The following DIP2B variants were observed in gnomAD, a reference collection of about 807,000 sequenced individuals.
DIP2B encodes the protein disco-interacting protein 2 homolog B.
In DIP2B, 76 loss-of-function variants were observed where a neutral mutation model predicts 198.0. That is an observed-to-expected ratio of 0.38 (90% CI 0.32 to 0.46). The LOEUF (loss-of-function observed/expected upper bound fraction) is 0.46. Among genes scored for constraint, DIP2B ranks in the 20% least tolerant of loss-of-function variants. The probability of loss-of-function intolerance (pLI) is 0.99; values close to 1 mark genes in which losing one functional copy is unlikely to be tolerated. For synonymous variants in DIP2B, 701 were observed against 739.1 expected, an observed-to-expected ratio of 0.95 and a Z score of 0.84; for missense variants, 1,559 against 1,978.4, an observed-to-expected ratio of 0.79 and a Z score of 4.02.
At chr12:50,523,714 A>G (rs1276681411) in intron 1 of DIP2B, among the ~76,000 whole-genome samples, 5 of 152,196 alleles carry the variant, frequency 3.3e-5, no homozygotes, top group Non-Finnish European at 7.3e-5. Flanking sequence ...AACAGGATGA[A>G]TGGACAGAAT....
intron 25 of DIP2B, among the ~76,000 whole-genome samples, chr12:50,720,609 G>A (rs555908855): frequency 3.3e-5 from 5 of 152,118 alleles, no homozygotes; most frequent in East Asian, 1.9e-4. Context: ...ATTCATTAGG[G>A]TTCTCATATT....
At chr12:50,547,867 G>A (rs1958391154) in intron 1 of DIP2B, among the ~76,000 whole-genome samples, 2 of 152,050 alleles carry the variant, frequency 1.3e-5, no homozygotes, top group Admixed American at 6.6e-5. Context: ...ACAGGAGTTC[G>A]AGACCAACTT....
At chr12:50,668,071 G>T (rs986040056) in intron 4 of DIP2B, among the ~76,000 whole-genome samples, 1 of 152,052 alleles carries the variant, frequency 6.6e-6, no homozygotes, top group African/African-American at 2.4e-5. Context: ...TCTTTAAAAA[G>T]TTTTCTGTCC....
Position 50,746,162 on chromosome 12 carries a change from C to T in DIP2B, c.*1323C>T, listed in dbSNP as rs373294882. ...ATGAGACTGAGTTTGGCCTCTGGCT[C>T]GGTTTCCTTTCTTTGGTCTGATACT... On this transcript the variant is annotated 3_prime_UTR_variant, in exon 38 of 38. Transcript: ENST00000301180. 1 of 152,078 alleles carries T rather than the reference C, an allele frequency of 6.6e-6. No individual in the cohort carries two copies. Among genetic ancestry groups the T allele is most frequent in the African/African-American group, 2.4e-5 (1 of 41,398 alleles). 9.4% of individuals were successfully genotyped at this position (152,078 alleles called of 1,614,324 possible). A position where few individuals can be genotyped will look rare whatever the true frequency, so the allele number is the denominator to read the frequency against.
intron 1 of DIP2B, among the ~76,000 whole-genome samples, chr12:50,584,264 A>C (rs1301761787): frequency 1.3e-5 from 2 of 152,136 alleles, no homozygotes; most frequent in African/African-American, 4.8e-5. Context: ...TTTTCCCCCT[A>C]GTCCTTTTTC....
At chr12:50,719,777 G>T (rs1939799442) in intron 25 of DIP2B, among the ~76,000 whole-genome samples, 1 of 151,252 alleles carries the variant, frequency 6.6e-6, no homozygotes, top group Admixed American at 6.6e-5. Flanking sequence ...GGAGGCGGAG[G>T]TTGCAGTGAG....
chr12:50,618,067 C>G (rs1937735250), intron 1 of DIP2B, among the ~76,000 whole-genome samples: 1 of 152,208 alleles, frequency 6.6e-6, no homozygotes, highest in African/African-American at 2.4e-5. Context: ...AGACATTTAA[C>G]TTTTCACATC....
intron 1 of DIP2B, among the ~76,000 whole-genome samples, chr12:50,598,560 T>G (rs926123627): frequency 5.3e-5 from 8 of 151,980 alleles, no homozygotes; most frequent in Admixed American, 2.0e-4. Flanking sequence ...TGCCACTGCG[T>G]CATCTCTCTG....
chr12:50,643,099 AT>A (rs1178451835), intron 3 of DIP2B, among the ~76,000 whole-genome samples: 1 of 150,948 alleles, frequency 6.6e-6, no homozygotes, highest in African/African-American at 2.4e-5. Flanking sequence ...TTTTTATAGC[AT>A]GTAATAAAGG....
In DIP2B at chr12:50,747,287, G is replaced by T. The variant is rs1159976460; in HGVS notation, c.*2448G>T. ...AATACATTACTCTGTTAATCTCAAA[G>T]TGTGGCCAACTCCCATTTACTTAGA... On this transcript the variant is annotated 3_prime_UTR_variant, in exon 38 of 38. Transcript: ENST00000301180. 2 of 152,110 alleles carry T rather than the reference G, an allele frequency of 1.3e-5. No individual in the cohort carries two copies. The highest frequency in any genetic ancestry group is 2.9e-5 in the Non-Finnish European group (2 of 68,022). The allele number at this position is 152,110 out of a possible 1,614,324, so 9.4% of individuals were successfully genotyped here. A position where few individuals can be genotyped will look rare whatever the true frequency, so the allele number is the denominator to read the frequency against.
rs1173281988 is a variant in DIP2B at position 50,505,116 on chromosome 12, C to G, written c.-25C>G. On this transcript the variant is annotated 5_prime_UTR_variant, in exon 1 of 38. Transcript: ENST00000301180. ...CTCCTTCGGCCCCCTCTCTTGTCTT[C>G]CGGAGTGTGGCTGGCGGAGCTGGGA... 11 of 1,529,498 alleles carry G rather than the reference C, an allele frequency of 7.2e-6. No individual in the cohort carries two copies. Among genetic ancestry groups the G allele is most frequent in the East Asian group, 2.5e-5 (1 of 40,306 alleles). 94.7% of individuals were successfully genotyped at this position (1,529,498 alleles called of 1,614,324 possible).
intron 1 of DIP2B, among the ~76,000 whole-genome samples, chr12:50,549,170 TAA>T (rs780278216): frequency 3.9e-4 from 53 of 137,250 alleles, no homozygotes; most frequent in Non-Finnish European, 4.8e-4. Flanking sequence ...GGGGCTGGTT[TAA>T]AAAAAAAAAA....
intron 2 of DIP2B, among the ~76,000 whole-genome samples, chr12:50,638,265 T>A (rs1254380837): frequency 6.6e-6 from 1 of 152,230 alleles, no homozygotes; most frequent in Non-Finnish European, 1.5e-5. Context: ...ATTTGTATTG[T>A]CTTTTAGAAT....
chr12:50,589,548 T>G (rs1362679097), intron 1 of DIP2B, among the ~76,000 whole-genome samples: 2 of 152,050 alleles, frequency 1.3e-5, no homozygotes, highest in Non-Finnish European at 2.9e-5. Flanking sequence ...AGCTGAGACA[T>G]GAATGAGGAG....
chr12:50,725,594 T>C (rs903643242), intron 28 of DIP2B, among the ~76,000 whole-genome samples: 3 of 152,142 alleles, frequency 2.0e-5, no homozygotes, highest in African/African-American at 7.2e-5. Context: ...GTGGGAGTTG[T>C]AAAGATTAAA....
chr12:50,564,500 T>C (rs1481262921), intron 1 of DIP2B, among the ~76,000 whole-genome samples: 1 of 152,188 alleles, frequency 6.6e-6, no homozygotes, highest in East Asian at 1.9e-4. Context: ...AGCTTTCTAA[T>C]TGTTGTCTAT....
At chr12:50,523,379 G>A (rs920636201) in intron 1 of DIP2B, among the ~76,000 whole-genome samples, 2 of 152,088 alleles carry the variant, frequency 1.3e-5, no homozygotes, top group African/African-American at 4.8e-5. Flanking sequence ...AGTACAGATG[G>A]CTTTTTTTCC....
At chr12:50,579,284 G>C (rs1958692797) in intron 1 of DIP2B, among the ~76,000 whole-genome samples, 1 of 152,030 alleles carries the variant, frequency 6.6e-6, no homozygotes, top group Admixed American at 6.6e-5. Context: ...ACAGTGAACT[G>C]ATAGTGATTT....
intron 2 of DIP2B, among the ~76,000 whole-genome samples, chr12:50,630,905 A>G (rs1242252540): frequency 2.0e-5 from 3 of 151,846 alleles, no homozygotes; most frequent in Non-Finnish European, 4.4e-5. Flanking sequence ...TCCTGACCTC[A>G]GGTGATCCAC....
Sources: gnomAD v4.1 joint callset for allele counts (sites outside exome capture counted in the v4.1 genomes callset) on GRCh38, gnomAD v4.1.1 for gene constraint, MANE v1.5 for transcripts, NCBI Gene and HGNC (gene_info 2026-07-23, HGNC 2026-07-21) for gene names.